SDCCAG8: variants seen among roughly 807,000 people sequenced by gnomAD.
SDCCAG8 encodes SHH signaling and ciliogenesis regulator SDCCAG8, also known as serologically defined colon cancer antigen 8.
In SDCCAG8, 74 loss-of-function variants were observed where a neutral mutation model predicts 101.8. That is an observed-to-expected ratio of 0.73 (90% confidence interval 0.60 to 0.88). The LOEUF (loss-of-function observed/expected upper bound fraction) is 0.88, where lower values mean the gene tolerates loss of function less well. Among genes scored for constraint, SDCCAG8 ranks in the 40% least tolerant of loss-of-function variants. The pLI is 0.00. For missense variants in SDCCAG8, 787 were observed against 822.6 expected (o/e 0.96, Z 0.53); for synonymous variants, 281 against 292.9 (o/e 0.96, Z 0.41).
intron 12 of SDCCAG8, among the ~76,000 whole-genome samples, chr1:243,354,304 T>C (rs1406020288): frequency 6.6e-6 from 1 of 152,252 alleles, no homozygotes; most frequent in African/African-American, 2.4e-5. Flanking sequence ...AGTTTTATTC[T>C]GTATTTTCCA....
chr1:243,457,530 A>G (rs894411976), intron 16 of SDCCAG8, among the ~76,000 whole-genome samples: 3 of 152,330 alleles, frequency 2.0e-5, no homozygotes, highest in African/African-American at 4.8e-5. Context: ...ATTGACTAGC[A>G]TCATGCATTG....
intron 12 of SDCCAG8, among the ~76,000 whole-genome samples, chr1:243,368,158 G>T (rs2077089494): frequency 1.3e-5 from 2 of 151,274 alleles, no homozygotes; most frequent in Admixed American, 1.3e-4. Context: ...TAAGGCTGAA[G>T]TGAACTGTAA....
intron 9 of SDCCAG8, 91 bp from the exon 10 acceptor site, chr1:243,330,449 A>C (rs2074505270): frequency 7.4e-7 from 1 of 1,347,268 alleles, no homozygotes; most frequent in African/African-American, 1.5e-5. Flanking sequence ...AGTTTTTGCT[A>C]TTTTAAATAT....
chr1:243,449,759 G>T (rs191217115), intron 16 of SDCCAG8, among the ~76,000 whole-genome samples: 67 of 152,246 alleles, frequency 4.4e-4, no homozygotes, highest in Non-Finnish European at 8.7e-4. Flanking sequence ...TGTTAGGCCC[G>T]ACTGGACCAT....
chr1:243,381,770 C>G lies in SDCCAG8; in HGVS notation c.1616+2907C>G, dbSNP rs543920762. ...TTTCTACCCTTAGATTGCGCATACT[C>G]TAGTAAAGAAGCTACATCTGTATAT... On this transcript the variant is annotated intron_variant, in intron 13 of 17. Coordinates refer to ENST00000366541, the MANE Select transcript of SDCCAG8 (RefSeq NM_006642.5). 3.9e-5 allele frequency among the ~76,000 whole-genome samples: 6 copies of G among 152,216 alleles called. No individual in the cohort carries two copies. In the East Asian group the frequency reaches 1.2e-3, roughly 29 times the overall value.
chr1:243,300,079 G>T (rs2071352768), intron 6 of SDCCAG8, among the ~76,000 whole-genome samples: 1 of 151,416 alleles, frequency 6.6e-6, no homozygotes, highest in South Asian at 2.1e-4. Context: ...TTGCCAGGCT[G>T]GTCTTGAACT....
intron 6 of SDCCAG8, among the ~76,000 whole-genome samples, chr1:243,303,348 A>G (rs1382127538): frequency 2.0e-5 from 3 of 152,242 alleles, no homozygotes; most frequent in African/African-American, 7.2e-5. Context: ...TAGATATCAT[A>G]TAGAAACATT....
At chr1:243,351,439 A>T (rs948979090) in intron 12 of SDCCAG8, among the ~76,000 whole-genome samples, 5 of 152,194 alleles carry the variant, frequency 3.3e-5, no homozygotes. Flanking sequence ...ATGCCTTAAG[A>T]ATACTTGCAA....
chr1:243,445,531 G>C (rs6665625), intron 16 of SDCCAG8, among the ~76,000 whole-genome samples: 27,886 of 152,172 alleles, frequency 0.18, 2,758 homozygotes, highest in African/African-American at 0.23. Context: ...CCAGAAGTTG[G>C]ATGGTTAATT....
At chr1:243,415,487 A>G (rs1333026309) in intron 13 of SDCCAG8, among the ~76,000 whole-genome samples, 2 of 152,196 alleles carry the variant, frequency 1.3e-5, no homozygotes, top group African/African-American at 4.8e-5. Flanking sequence ...GACACTGCAC[A>G]CTTTAGTCCA....
intron 16 of SDCCAG8, among the ~76,000 whole-genome samples, chr1:243,471,201 C>T (rs961920438): frequency 7.2e-5 from 11 of 151,998 alleles, no homozygotes; most frequent in Admixed American, 2.0e-4. Flanking sequence ...AGCCATGTGT[C>T]GTGTTGGTAC....
intron 17 of SDCCAG8, among the ~76,000 whole-genome samples, chr1:243,494,541 G>A (rs1667330201): frequency 6.6e-6 from 1 of 152,168 alleles, no homozygotes; most frequent in African/African-American, 2.4e-5. Context: ...TCCAACAGCA[G>A]ACAGTTAAAC....
intron 16 of SDCCAG8, among the ~76,000 whole-genome samples, chr1:243,437,610 G>C (rs568203376): frequency 1.5e-4 from 22 of 148,246 alleles, no homozygotes; most frequent in African/African-American, 4.5e-4. Flanking sequence ...CATCTCGGCT[G>C]ACTGCAAGCC....
At chr1:243,320,734 T>C (rs1477984955) in intron 9 of SDCCAG8, among the ~76,000 whole-genome samples, 1 of 152,216 alleles carries the variant, frequency 6.6e-6, no homozygotes, top group Non-Finnish European at 1.5e-5. Context: ...TTAAAATGTA[T>C]ATTGGTTATC....
intron 16 of SDCCAG8, among the ~76,000 whole-genome samples, chr1:243,441,385 T>C (rs2082525991): frequency 6.6e-6 from 1 of 152,192 alleles, no homozygotes; most frequent in African/African-American, 2.4e-5. Flanking sequence ...TTTTATCTTT[T>C]TCTTTGTCTG....
chr1:243,408,026 T>A (rs553636548), intron 13 of SDCCAG8, among the ~76,000 whole-genome samples: 1 of 152,340 alleles, frequency 6.6e-6, no homozygotes, highest in South Asian at 2.1e-4. Context: ...TGTCTACCAA[T>A]TTTATTATTG....
intron 13 of SDCCAG8, among the ~76,000 whole-genome samples, chr1:243,405,941 A>G (rs1052218150): frequency 1.3e-5 from 2 of 152,060 alleles, no homozygotes; most frequent in African/African-American, 4.8e-5. Context: ...GAATAATAGA[A>G]TAGAATAGAA....
intron 16 of SDCCAG8, among the ~76,000 whole-genome samples, chr1:243,427,258 A>G (rs1237219421): frequency 6.6e-6 from 1 of 152,242 alleles, no homozygotes; most frequent in Non-Finnish European, 1.5e-5. Flanking sequence ...GACAGATGGA[A>G]TAAGTGGTAG....
chr1:243,357,622 G>A (rs2076464301), intron 12 of SDCCAG8, among the ~76,000 whole-genome samples: 1 of 152,156 alleles, frequency 6.6e-6, no homozygotes, highest in South Asian at 2.1e-4. Context: ...CTAATAATTA[G>A]TGATAACCTA....
Sources: allele counts gnomAD v4.1 joint callset (sites outside exome capture counted in the v4.1 genomes callset), GRCh38; gene constraint gnomAD v4.1.1; transcripts MANE v1.5; gene names NCBI Gene and HGNC (gene_info 2026-07-23, HGNC 2026-07-21).